Variants in ZNF654 observed in about 807,000 individuals in gnomAD.
ZNF654 encodes melanoma-associated antigen.
ZNF654 carries 19 observed loss-of-function variants against 95.3 expected under a neutral mutation model. The observed-to-expected ratio is 0.20, with a 90% CI of 0.14 to 0.29. The LOEUF (loss-of-function observed/expected upper bound fraction) is 0.29, where lower values mean the gene tolerates loss of function less well. Among genes scored for constraint, ZNF654 ranks in the 10% least tolerant of loss-of-function variants. The pLI, the probability that ZNF654 is intolerant of heterozygous loss-of-function variation, is 1.00. For missense variants in ZNF654, 1,046 were observed against 1,341.0 expected (o/e 0.78, Z 3.44); for synonymous variants, 413 against 457.9 (o/e 0.90, Z 1.25).
chr3:88,063,183 C>A (rs1706984764), intron 1 of ZNF654, among the ~76,000 whole-genome samples: 1 of 152,086 alleles, frequency 6.6e-6, no homozygotes, highest in Non-Finnish European at 1.5e-5. Context: ...TACTGAACAT[C>A]CTGCAGTGCA....
chr3:88,106,371 T>C (rs55923163), intron 2 of ZNF654, among the ~76,000 whole-genome samples: 22,626 of 152,152 alleles, frequency 0.15, 1,765 homozygotes, highest in African/African-American at 0.18. Context: ...AGAGTCTCAC[T>C]CTGTCACCCA....
chr3:88,061,622 G>T (rs1214132719), intron 1 of ZNF654, among the ~76,000 whole-genome samples: 1 of 152,042 alleles, frequency 6.6e-6, no homozygotes, highest in East Asian at 1.9e-4. Context: ...CTTTTAGATG[G>T]AATAAAATAT....
intron 2 of ZNF654, among the ~76,000 whole-genome samples, chr3:88,107,985 T>C (rs1704847568): frequency 6.6e-6 from 1 of 151,986 alleles, no homozygotes; most frequent in Admixed American, 6.5e-5. Context: ...ATTGTTCTTA[T>C]CATTTTTTTT....
intron 3 of ZNF654, among the ~76,000 whole-genome samples, chr3:88,122,778 G>A (rs1335054763): frequency 6.6e-6 from 1 of 152,042 alleles, no homozygotes; most frequent in African/African-American, 2.4e-5. Context: ...GGGAAACCGA[G>A]GTGGGCAGAT....
intron 2 of ZNF654, among the ~76,000 whole-genome samples, chr3:88,108,466 G>A (rs909453982): frequency 2.6e-5 from 4 of 152,006 alleles, no homozygotes; most frequent in East Asian, 1.9e-4. Context: ...CACTTTCTGC[G>A]GTTTGTTACC....
chr3:88,075,263 G>A (rs760368083), intron 1 of ZNF654, among the ~76,000 whole-genome samples: 29 of 152,136 alleles, frequency 1.9e-4, no homozygotes, highest in Non-Finnish European at 3.5e-4. Flanking sequence ...AGTTTGTAAC[G>A]CTTCAAGCAT....
At chr3:88,087,657 ACAC>A (rs1708407148) in intron 2 of ZNF654, among the ~76,000 whole-genome samples, 1 of 152,248 alleles carries the variant, frequency 6.6e-6, no homozygotes, top group Non-Finnish European at 1.5e-5. Context: ...AATTGTACTC[ACAC>A]CACAACAGTG....
chr3:88,141,541 A>C, intron 8 of ZNF654, 104 bp from the exon 9 acceptor site: 1 of 784,334 alleles, frequency 1.3e-6, no homozygotes, highest in African/African-American at 1.8e-5. Context: ...TACTAATATC[A>C]ATATCCTTTA....
intron 1 of ZNF654, among the ~76,000 whole-genome samples, chr3:88,066,587 A>C (rs28751575): frequency 0.93 from 141,589 of 151,460 alleles, 66,756 homozygotes; most frequent in Non-Finnish European, 1. Flanking sequence ...AACAAAAAAA[A>C]CAAAAAAACC....
At chr3:88,091,995 G>A (rs1703766983) in intron 2 of ZNF654, among the ~76,000 whole-genome samples, 1 of 152,142 alleles carries the variant, frequency 6.6e-6, no homozygotes, top group Non-Finnish European at 1.5e-5. Context: ...TTAAGCAGAA[G>A]CAAATCTTAT....
intron 2 of ZNF654, among the ~76,000 whole-genome samples, chr3:88,112,027 A>AT (rs1275939366): frequency 1.3e-5 from 2 of 151,914 alleles, no homozygotes; most frequent in Non-Finnish European, 2.9e-5. Flanking sequence ...AAGCATTTAA[A>AT]TTAAGGAAAT....
chr3:88,080,219 G>A (rs562300176), intron 1 of ZNF654, among the ~76,000 whole-genome samples: 2 of 152,220 alleles, frequency 1.3e-5, no homozygotes, highest in East Asian at 3.9e-4. Context: ...TTATTTAGGA[G>A]TGAACTGTTT....
At position 88,119,549 on chromosome 3, in the gene ZNF654, TA is replaced by T. The variant is rs56122963; in HGVS notation, c.414+6366del. On this transcript the variant is annotated intron_variant, in intron 3 of 8. Transcript: ENST00000636215. ...TAAAACTTAAAGTATAATAATAAAT[TA>T]AAAAAAAAAAAACAATAATTATTGG... 9.0e-3 allele frequency among the ~76,000 whole-genome samples: 1,281 copies of T among 141,986 alleles called. 8 individuals carry two copies. Among genetic ancestry groups the T allele is most frequent in the African/African-American group, 0.02 (768 of 38,916 alleles). 93.1% of individuals were successfully genotyped at this position (141,986 alleles called of 152,430 possible). A position where few individuals can be genotyped will look rare whatever the true frequency, so the allele number is the denominator to read the frequency against.
At chr3:88,109,110 G>A (rs533495770) in intron 2 of ZNF654, among the ~76,000 whole-genome samples, 1 of 150,586 alleles carries the variant, frequency 6.6e-6, no homozygotes. Flanking sequence ...GAAGGGGTCT[G>A]GTAATGTATC....
rs1204551410 is a variant in ZNF654 at position 88,068,727 on chromosome 3, C to T, written c.186+9222C>T. 2.6e-5 allele frequency among the ~76,000 whole-genome samples: 4 copies of T among 152,046 alleles called. No individual in the cohort carries two copies. In the East Asian group the frequency reaches 7.7e-4, roughly 29 times the overall value. On this transcript the variant is annotated intron_variant, in intron 1 of 8. Transcript: ENST00000636215. Reference sequence around the variant, plus strand: ...GATAAGTTGTTTACCTGTTTTAGCTCATTTAATCCACTACCCTACAAGCTA... The same window carrying T: ...GATAAGTTGTTTACCTGTTTTAGCTTATTTAATCCACTACCCTACAAGCTA...
At chr3:88,114,370 T>C (rs1465670661) in intron 3 of ZNF654, among the ~76,000 whole-genome samples, 1 of 152,176 alleles carries the variant, frequency 6.6e-6, no homozygotes, top group Non-Finnish European at 1.5e-5. Context: ...GGACAATATT[T>C]AACTTCCACT....
chr3:88,131,565 TG>T (rs1296563784), intron 6 of ZNF654, among the ~76,000 whole-genome samples: 3 of 152,138 alleles, frequency 2.0e-5, no homozygotes, highest in Non-Finnish European at 1.5e-5. Flanking sequence ...CTTATTCTCT[TG>T]GTAACCCATT....
intron 2 of ZNF654, among the ~76,000 whole-genome samples, chr3:88,110,520 A>AC (rs1206082177): frequency 6.6e-6 from 1 of 152,110 alleles, no homozygotes; most frequent in African/African-American, 2.4e-5. Context: ...AATATGGCTA[A>AC]CCATTCATTT....
At chr3:88,121,508 G>T (rs1011882644) in intron 3 of ZNF654, among the ~76,000 whole-genome samples, 6 of 151,946 alleles carry the variant, frequency 3.9e-5, no homozygotes, top group Non-Finnish European at 7.4e-5. Context: ...TATTTTATAT[G>T]GGCAAGCTCA....
Sources: gnomAD v4.1 joint callset for allele counts (sites outside exome capture counted in the v4.1 genomes callset) on GRCh38, gnomAD v4.1.1 for gene constraint, MANE v1.5 for transcripts, NCBI Gene and HGNC (gene_info 2026-07-23, HGNC 2026-07-21) for gene names.